The following DYRK1A variants were observed in gnomAD, a reference collection of about 807,000 sequenced individuals.
DYRK1A encodes dual specificity tyrosine-phosphorylation-regulated kinase 1A.
Under a neutral mutation model 79.7 loss-of-function variants are expected in DYRK1A, and 9 were observed. The ratio of observed to expected loss-of-function variants is 0.11; its 90% CI spans 0.07 to 0.20. The LOEUF is 0.20. Ranked by LOEUF, DYRK1A falls within the 10% of genes least tolerant of loss-of-function variation. DYRK1A has a pLI of 1.00. For missense variants in DYRK1A, 622 were observed against 956.0 expected, an observed-to-expected ratio of 0.65 and a Z score of 4.61; for synonymous variants, 349 against 329.7, an observed-to-expected ratio of 1.06 and a Z score of -0.63.
At chr21:37,427,733 A>C (rs1387429682) in intron 2 of DYRK1A, among the ~76,000 whole-genome samples, 3 of 152,200 alleles carry the variant, frequency 2.0e-5, no homozygotes. Flanking sequence ...TTATGCTTCT[A>C]CCAGCTGCAC....
intron 1 of DYRK1A, among the ~76,000 whole-genome samples, chr21:37,374,570 T>G (rs2049499398): frequency 6.6e-6 from 1 of 151,908 alleles, no homozygotes; most frequent in Admixed American, 6.6e-5. Context: ...TCTTTTTTTT[T>G]GAGACAGAGT....
intron 2 of DYRK1A, among the ~76,000 whole-genome samples, chr21:37,457,256 A>G (rs2148517080): frequency 6.6e-6 from 1 of 152,090 alleles, no homozygotes; most frequent in African/African-American, 2.4e-5. Context: ...CCCGCAAGAC[A>G]GAGTCTCACT....
chr21:37,474,143 G>A (rs1214474963), intron 3 of DYRK1A, among the ~76,000 whole-genome samples: 2 of 152,164 alleles, frequency 1.3e-5, no homozygotes, highest in African/African-American at 2.4e-5. Context: ...TCCAGCCTGG[G>A]CTTCCTTCTT....
At chr21:37,393,453 C>A (rs1353033605) in intron 1 of DYRK1A, among the ~76,000 whole-genome samples, 1 of 152,102 alleles carries the variant, frequency 6.6e-6, no homozygotes, top group Non-Finnish European at 1.5e-5. Context: ...GGTCTTGACT[C>A]CCCAACCACC....
At chr21:37,495,594 C>T (rs1266159830) in intron 8 of DYRK1A, among the ~76,000 whole-genome samples, 5 of 151,914 alleles carry the variant, frequency 3.3e-5, no homozygotes, top group Admixed American at 6.6e-5. Context: ...ATTGCGCCAC[C>T]GCACTTCAGC....
chr21:37,383,493 C>G (rs1490078478), intron 1 of DYRK1A, among the ~76,000 whole-genome samples: 1 of 152,198 alleles, frequency 6.6e-6, no homozygotes, highest in Non-Finnish European at 1.5e-5. Flanking sequence ...TTGGAAGATG[C>G]TAATTAAGAC....
At position 37,522,486 on chromosome 21, in the gene DYRK1A, G is replaced by A. The variant is rs141651397; in HGVS notation, c.*9955G>A. ...GATCACATACCAAGACCTTCAGCTG[G>A]ATGGTCCCTGTAGCTGCTGTGACCA... is the stretch of plus-strand genomic sequence containing the variant. On this transcript the variant is annotated 3_prime_UTR_variant, in exon 12 of 12. Transcript: ENST00000647188. 6.6e-6 allele frequency: 1 copy of A among 152,394 alleles called. No individual in the cohort carries two copies. The highest frequency in any genetic ancestry group is 2.4e-5 in the African/African-American group (1 of 41,576). 9.4% of individuals were successfully genotyped at this position (152,394 alleles called of 1,614,324 possible). A position where few individuals can be genotyped will look rare whatever the true frequency, so the allele number is the denominator to read the frequency against.
At chr21:37,398,303 C>T (rs1016108249) in intron 1 of DYRK1A, among the ~76,000 whole-genome samples, 21 of 150,806 alleles carry the variant, frequency 1.4e-4, no homozygotes, top group Admixed American at 2.6e-4. Context: ...GATTGCACCT[C>T]TGCCTTCCAG....
intron 1 of DYRK1A, among the ~76,000 whole-genome samples, chr21:37,396,449 A>G (rs2049961058): frequency 6.6e-6 from 1 of 151,488 alleles, no homozygotes; most frequent in East Asian, 1.9e-4. Flanking sequence ...TCACCTGAAA[A>G]TACATTGCTT....
In DYRK1A at chr21:37,472,739, A is replaced by G. The variant is rs1178275452; in HGVS notation, c.66A>G (p.Ser22=). The G allele has an allele frequency of 8.1e-6, 13 of 1,611,332 alleles. No homozygotes were observed. The highest frequency in any genetic ancestry group is 2.7e-5 in the African/African-American group (2 of 74,840). The change falls in exon 3 of 12, where the codon TCA becomes TCG. Residue 22 remains serine (S), a synonymous_variant. Coordinates refer to ENST00000647188, the MANE Select transcript of DYRK1A (RefSeq NM_001347721.2). The part of the protein sequence containing the change: ...PSSVRLAPSF[S]FHAAGLQMAG... ...CTGTTCGGCTTGCACCGTCATTTTC[A>G]TTCCATGCTGCTGGCCTTCAGATGG...
intron 1 of DYRK1A, among the ~76,000 whole-genome samples, chr21:37,395,026 C>T (rs2148392415): frequency 6.6e-6 from 1 of 152,288 alleles, no homozygotes; most frequent in South Asian, 2.1e-4. Flanking sequence ...GTAGTTGCGT[C>T]CCCGCCCCCA....
Position 37,515,557 on chromosome 21 carries a change from A to C in DYRK1A, c.*3026A>C, listed in dbSNP as rs1479247769. ...ACGAATACTCATTCTTCCTTCCCTA[A>C]CTCCTCGTACGGGGCCATATCAGAA... On this transcript the variant is annotated 3_prime_UTR_variant, in exon 12 of 12. Transcript: ENST00000647188. The C allele has an allele frequency of 1.3e-5, 2 of 152,152 alleles. No individual in the cohort carries two copies. Among genetic ancestry groups the C allele is most frequent in the African/African-American group, 4.8e-5 (2 of 41,428 alleles). 9.4% of individuals were successfully genotyped at this position (152,152 alleles called of 1,614,324 possible). A position where few individuals can be genotyped will look rare whatever the true frequency, so the allele number is the denominator to read the frequency against.
intron 1 of DYRK1A, chr21:37,368,020 A>G (rs909367396): frequency 1.3e-5 from 2 of 154,274 alleles, no homozygotes; most frequent in Non-Finnish European, 2.9e-5. Context: ...GGTCCCCACC[A>G]GTGTGGGAAC....
chr21:37,492,926 C>A (rs772188760), intron 7 of DYRK1A, 91 bp from the exon 8 acceptor site: 134 of 1,094,478 alleles, frequency 1.2e-4, no homozygotes, highest in Non-Finnish European at 1.7e-4. Context: ...TTAGCCAATT[C>A]TTTTCTGTTA....
At chr21:37,504,602 A>G (rs927269157) in intron 9 of DYRK1A, 1 of 152,248 alleles carries the variant, frequency 6.6e-6, no homozygotes, top group Non-Finnish European at 1.5e-5. Context: ...TTCAATATTT[A>G]TAGAGATCTT....
chr21:37,392,451 G>C (rs1474023078), intron 1 of DYRK1A, among the ~76,000 whole-genome samples: 2 of 152,120 alleles, frequency 1.3e-5, no homozygotes, highest in Admixed American at 1.3e-4. Flanking sequence ...AAAATACCTT[G>C]GACTGAATAA....
intron 8 of DYRK1A, among the ~76,000 whole-genome samples, chr21:37,495,593 C>G (rs1179302809): frequency 6.6e-6 from 1 of 151,976 alleles, no homozygotes; most frequent in Non-Finnish European, 1.5e-5. Context: ...GATTGCGCCA[C>G]CGCACTTCAG....
At chr21:37,471,979 G>A (rs1423865295) in intron 2 of DYRK1A, among the ~76,000 whole-genome samples, 1 of 152,126 alleles carries the variant, frequency 6.6e-6, no homozygotes, top group Non-Finnish European at 1.5e-5. Flanking sequence ...GGACCAAAGT[G>A]TTAATTTTTC....
chr21:37,456,793 C>T (rs1276984981), intron 2 of DYRK1A, among the ~76,000 whole-genome samples: 4 of 152,112 alleles, frequency 2.6e-5, no homozygotes, highest in Non-Finnish European at 4.4e-5. Context: ...TGGAATAATG[C>T]CACCTTATGC....
Sources: gnomAD v4.1 joint callset for allele counts (sites outside exome capture counted in the v4.1 genomes callset) on GRCh38, gnomAD v4.1.1 for gene constraint, MANE v1.5 for transcripts, NCBI Gene and HGNC (gene_info 2026-07-23, HGNC 2026-07-21) for gene names.